Variants in BANK1 observed in about 807,000 individuals in gnomAD.
BANK1 encodes B-cell scaffold protein with ankyrin repeats.
BANK1 carries 95 observed loss-of-function variants against 94.5 expected under a neutral mutation model. The observed-to-expected ratio is 1.00, with a 90% confidence interval of 0.85 to 1.19. BANK1 has a LOEUF of 1.19. Among genes scored for constraint, BANK1 ranks in the 50% most tolerant of loss-of-function variants. BANK1 has a pLI of 0.00. For missense variants in BANK1, 987 were observed against 932.2 expected, an observed-to-expected ratio of 1.06 and a Z score of -0.77; for synonymous variants, 334 against 308.4, an observed-to-expected ratio of 1.08 and a Z score of -0.87.
chr4:101,856,445 T>C (rs1727683663), intron 3 of BANK1, among the ~76,000 whole-genome samples: 1 of 151,738 alleles, frequency 6.6e-6, no homozygotes, highest in Admixed American at 6.6e-5. Flanking sequence ...TCAGAAACAA[T>C]GGAAAAGACA....
intron 1 of BANK1, among the ~76,000 whole-genome samples, chr4:101,816,920 A>G (rs1312751507): frequency 1.3e-5 from 2 of 152,206 alleles, no homozygotes. Context: ...CAACGGAAGA[A>G]TAAGGAATGG....
chr4:101,882,097 G>A (rs956079309), intron 5 of BANK1, among the ~76,000 whole-genome samples: 3 of 152,078 alleles, frequency 2.0e-5, no homozygotes, highest in African/African-American at 2.4e-5. Context: ...GTAACACAAA[G>A]GATAAATGCT....
At chr4:101,985,175 G>C (rs1348238337) in intron 7 of BANK1, among the ~76,000 whole-genome samples, 1 of 152,122 alleles carries the variant, frequency 6.6e-6, no homozygotes, top group Non-Finnish European at 1.5e-5. Flanking sequence ...TCCAATTCGA[G>C]TCCAAGTTTA....
intron 7 of BANK1, among the ~76,000 whole-genome samples, chr4:101,950,335 T>C (rs747247872): frequency 9.2e-5 from 14 of 152,090 alleles, no homozygotes; most frequent in Non-Finnish European, 2.1e-4. Context: ...TGGGTAAACG[T>C]TTGAAGAGTA....
At chr4:101,967,414 G>A (rs1261468138) in intron 7 of BANK1, among the ~76,000 whole-genome samples, 1 of 151,954 alleles carries the variant, frequency 6.6e-6, no homozygotes, top group Non-Finnish European at 1.5e-5. Flanking sequence ...AATTATAATG[G>A]GATGGTGTCT....
At chr4:101,826,834 G>A (rs1233771438) in intron 1 of BANK1, among the ~76,000 whole-genome samples, 1 of 151,892 alleles carries the variant, frequency 6.6e-6, no homozygotes, top group Non-Finnish European at 1.5e-5. Context: ...TTGGCATTGT[G>A]TAGGAATTTG....
At chr4:101,940,567 C>A (rs1723707467) in intron 7 of BANK1, among the ~76,000 whole-genome samples, 1 of 151,750 alleles carries the variant, frequency 6.6e-6, no homozygotes, top group South Asian at 2.1e-4. Context: ...TCTTTACACT[C>A]CTTTTGTCTG....
At chr4:102,029,919 G>A in intron 9 of BANK1, 41 bp from the exon 10 acceptor site, 1 of 1,537,162 alleles carries the variant, frequency 6.5e-7, no homozygotes, top group Non-Finnish European at 8.7e-7. Flanking sequence ...AATGTTGCAT[G>A]TAACAGAAGA....
At chr4:101,982,892 C>T (rs143309064) in intron 7 of BANK1, among the ~76,000 whole-genome samples, 19 of 151,866 alleles carry the variant, frequency 1.3e-4, no homozygotes, top group East Asian at 1.2e-3. Context: ...TATGTATATA[C>T]GCATGGAATT....
chr4:101,833,369 TTTGTTA>T (rs1213462762), intron 2 of BANK1, among the ~76,000 whole-genome samples: 2 of 152,192 alleles, frequency 1.3e-5, no homozygotes, highest in Non-Finnish European at 2.9e-5. Context: ...TTTGTTCTGT[TTTGTTA>T]TTGTTGTTGT....
intron 7 of BANK1, among the ~76,000 whole-genome samples, chr4:102,019,954 A>G (rs1250929680): frequency 5.3e-5 from 8 of 152,102 alleles, no homozygotes; most frequent in African/African-American, 2.4e-5. Context: ...GGTTCAGGGT[A>G]TTTGGCTTTT....
chr4:101,955,178 G>A (rs1724296304), intron 7 of BANK1, among the ~76,000 whole-genome samples: 1 of 152,082 alleles, frequency 6.6e-6, no homozygotes, highest in African/African-American at 2.4e-5. Context: ...ATTAGACCAA[G>A]CGAGCAGCCA....
chr4:102,005,812 T>G (rs1726242164), intron 7 of BANK1, among the ~76,000 whole-genome samples: 1 of 152,042 alleles, frequency 6.6e-6, no homozygotes, highest in Non-Finnish European at 1.5e-5. Flanking sequence ...GAGGGACAGA[T>G]AATTTAAGTG....
chr4:101,898,238 G>A (rs1223190293), intron 6 of BANK1, among the ~76,000 whole-genome samples: 1 of 151,950 alleles, frequency 6.6e-6, no homozygotes, highest in Non-Finnish European at 1.5e-5. Flanking sequence ...AATAGTCTTG[G>A]ATCAATGTCA....
At chr4:101,835,765 T>C (rs1726799943) in intron 2 of BANK1, among the ~76,000 whole-genome samples, 1 of 152,190 alleles carries the variant, frequency 6.6e-6, no homozygotes, top group South Asian at 2.1e-4. Flanking sequence ...CCTTCCTTTT[T>C]GCATGGTCTT....
intron 1 of BANK1, among the ~76,000 whole-genome samples, chr4:101,796,097 A>G (rs981272121): frequency 6.6e-6 from 1 of 152,234 alleles, no homozygotes; most frequent in Non-Finnish European, 1.5e-5. Flanking sequence ...AAGATCCAGT[A>G]TACAGTTTAA....
At chr4:101,949,895 G>C (rs939141168) in intron 7 of BANK1, among the ~76,000 whole-genome samples, 4 of 152,090 alleles carry the variant, frequency 2.6e-5, no homozygotes, top group Admixed American at 2.0e-4. Flanking sequence ...AAATAAAAGA[G>C]TAAGAATATA....
intron 11 of BANK1, among the ~76,000 whole-genome samples, chr4:102,058,538 A>G (rs1032548039): frequency 3.3e-5 from 5 of 152,132 alleles, no homozygotes; most frequent in Non-Finnish European, 5.9e-5. Flanking sequence ...TCTAAATGCA[A>G]TAAAGAAATC....
rs1343197093 is a variant in BANK1 at position 101,986,899 on chromosome 4, G to GTGTGTA, written c.1207-34614_1207-34613insGTGTAT. On this transcript the variant is annotated intron_variant, in intron 7 of 16. Transcript: ENST00000322953. ...TGTGTGTGTGTGTGTGTGTGTGTGT[G>GTGTGTA]TATATATATATATATATATATATAT... is the stretch of plus-strand genomic sequence containing the variant. Among the ~76,000 whole-genome samples, 58 of 82,650 alleles carry GTGTGTA rather than the reference G, an allele frequency of 7.0e-4. 5 individuals are homozygous for GTGTGTA. The highest frequency in any genetic ancestry group is 3.5e-3 in the African/African-American group (55 of 15,540). The allele number at this position is 82,650 out of a possible 152,430, so 54.2% of individuals were successfully genotyped here.
Sources: gnomAD v4.1 joint callset for allele counts (sites outside exome capture counted in the v4.1 genomes callset) on GRCh38, gnomAD v4.1.1 for gene constraint, MANE v1.5 for transcripts, NCBI Gene and HGNC (gene_info 2026-07-23, HGNC 2026-07-21) for gene names.